The following CNTLN variants were observed in gnomAD, a reference collection of about 807,000 sequenced individuals.
CNTLN encodes centlein, centrosomal protein.
Under a neutral mutation model 180.0 loss-of-function variants are expected in CNTLN, and 212 were observed. The ratio of observed to expected loss-of-function variants is 1.18; its 90% CI spans 1.05 to 1.32. The LOEUF is 1.32. Among genes scored for constraint, CNTLN ranks in the 40% most tolerant of loss-of-function variants. CNTLN has a pLI of 0.00. For synonymous variants in CNTLN, 722 were observed against 563.1 expected (o/e 1.28, Z -3.99); for missense variants, 2,095 against 1,610.9 (o/e 1.30, Z -5.14).
chr9:17,393,948 A>G (rs1282483342), intron 14 of CNTLN, among the ~76,000 whole-genome samples: 2 of 152,178 alleles, frequency 1.3e-5, no homozygotes, highest in Non-Finnish European at 2.9e-5. Flanking sequence ...AATAAATGGG[A>G]AAATTTTAAT....
intron 6 of CNTLN, among the ~76,000 whole-genome samples, chr9:17,274,355 G>C (rs1346178235): frequency 6.6e-6 from 1 of 151,914 alleles, no homozygotes; most frequent in Non-Finnish European, 1.5e-5. Context: ...GTTTTTTAAA[G>C]ATGTTAAAAC....
At chr9:17,240,788 C>T (rs1220977949) in intron 5 of CNTLN, among the ~76,000 whole-genome samples, 1 of 152,056 alleles carries the variant, frequency 6.6e-6, no homozygotes, top group Non-Finnish European at 1.5e-5. Context: ...GGTTTCTTGT[C>T]CCTGTGGAGT....
intron 13 of CNTLN, among the ~76,000 whole-genome samples, chr9:17,370,343 A>G (rs1266087592): frequency 2.0e-5 from 3 of 152,222 alleles, no homozygotes; most frequent in Non-Finnish European, 4.4e-5. Flanking sequence ...TGGAGCTTCA[A>G]TATGCTGGCA....
intron 19 of CNTLN, among the ~76,000 whole-genome samples, chr9:17,459,433 A>C (rs922804467): frequency 6.6e-6 from 1 of 151,876 alleles, no homozygotes; most frequent in African/African-American, 2.4e-5. Context: ...AACACTGACC[A>C]AACTGTATAG....
intron 1 of CNTLN, among the ~76,000 whole-genome samples, chr9:17,138,035 C>A (rs763610147): frequency 2.0e-5 from 3 of 152,134 alleles, no homozygotes; most frequent in Non-Finnish European, 4.4e-5. Context: ...AGGTAAGCTT[C>A]CAAATGTAGC....
chr9:17,268,732 T>G lies in CNTLN; in HGVS notation c.850-5001T>G, dbSNP rs182782936. Among the ~76,000 whole-genome samples, 1,470 of 152,202 alleles carry G rather than the reference T, an allele frequency of 9.7e-3. 17 individuals are homozygous for G. Among genetic ancestry groups the G allele is most frequent in the African/African-American group, 0.034 (1,398 of 41,542 alleles). On this transcript the variant is annotated intron_variant, in intron 5 of 25. Transcript: ENST00000380647. ...GCTGCTTTGTTTACCTAATCAAGCC[T>G]GGGCAATGGCAGGCACTCCTCCCCC...
At chr9:17,411,948 C>G (rs1452938104) in intron 16 of CNTLN, among the ~76,000 whole-genome samples, 2 of 152,170 alleles carry the variant, frequency 1.3e-5, no homozygotes, top group Non-Finnish European at 2.9e-5. Context: ...CCTTTCCCTT[C>G]TGAGCAAGAT....
At position 17,253,451 on chromosome 9, in the gene CNTLN, G is replaced by A. The variant is rs190886401; in HGVS notation, c.849+16863G>A. 2.5e-3 allele frequency among the ~76,000 whole-genome samples: 381 copies of A among 151,418 alleles called. 1 individual carries two copies. The highest frequency in any genetic ancestry group is 3.4e-3 in the Middle Eastern group (1 of 294). ...CTTCAATTTCTTTCATCAGTGTTTTGTTTGTTTGTTTTGTAGAGATCTTAA... is the reference window on the plus strand; with the variant it reads ...CTTCAATTTCTTTCATCAGTGTTTTATTTGTTTGTTTTGTAGAGATCTTAA... On this transcript the variant is annotated intron_variant, in intron 5 of 25. Transcript: ENST00000380647.
At chr9:17,143,987 C>G (rs1818280718) in intron 2 of CNTLN, among the ~76,000 whole-genome samples, 1 of 152,160 alleles carries the variant, frequency 6.6e-6, no homozygotes, top group South Asian at 2.1e-4. Context: ...TGACACTTAG[C>G]ACAGCAATGA....
At chr9:17,375,865 A>C (rs1012567180) in intron 13 of CNTLN, among the ~76,000 whole-genome samples, 1 of 152,190 alleles carries the variant, frequency 6.6e-6, no homozygotes, top group Non-Finnish European at 1.5e-5. Context: ...CAAGATAACT[A>C]TATTTCGTAT....
In CNTLN at chr9:17,416,085, A is replaced by G. The variant is rs1204116428; in HGVS notation, c.3010A>G (p.Thr1004Ala). The change falls in exon 18 of 26, where the codon ACA (threonine) becomes GCA (alanine). Residue 1004 changes from threonine to alanine, a missense_variant. Physicochemically the swap from Thr to Ala is moderately conservative, Grantham distance 58 (BLOSUM62 0). Transcript: ENST00000380647. ...CAGTGTACTTCAGAATGCCAAGAAAACAGCAGAATTGTCTGTTAAAGAATA... is the reference window on the plus strand; with the variant it reads ...CAGTGTACTTCAGAATGCCAAGAAAGCAGCAGAATTGTCTGTTAAAGAATA... ...QNSVLQNAKK[T>A]AELSVKEYKE... 23 of 1,613,584 alleles carry G rather than the reference A, an allele frequency of 1.4e-5. No individual in the cohort carries two copies. The highest frequency in any genetic ancestry group is 2.2e-5 in the East Asian group (1 of 44,794).
At chr9:17,229,648 T>C (rs1824690222) in intron 3 of CNTLN, among the ~76,000 whole-genome samples, 1 of 152,080 alleles carries the variant, frequency 6.6e-6, no homozygotes, top group Admixed American at 6.6e-5. Flanking sequence ...TGAAGGGTAA[T>C]CTGCTTTTCT....
intron 6 of CNTLN, among the ~76,000 whole-genome samples, chr9:17,275,518 T>G (rs933462962): frequency 2.0e-5 from 3 of 152,246 alleles, no homozygotes; most frequent in Non-Finnish European, 4.4e-5. Context: ...TTCCATATTG[T>G]CAATCTTCTT....
intron 8 of CNTLN, among the ~76,000 whole-genome samples, chr9:17,313,200 G>T (rs1214804685): frequency 6.6e-6 from 1 of 151,946 alleles, no homozygotes; most frequent in African/African-American, 2.4e-5. Flanking sequence ...CAGCACATAG[G>T]TTACTGTATA....
chr9:17,203,779 G>A (rs1489204186), intron 2 of CNTLN, among the ~76,000 whole-genome samples: 3 of 152,146 alleles, frequency 2.0e-5, no homozygotes, highest in African/African-American at 7.2e-5. Flanking sequence ...GGATGGTCTT[G>A]ATCTCCGGAC....
chr9:17,216,578 T>G (rs533906025), intron 2 of CNTLN, among the ~76,000 whole-genome samples: 1 of 152,228 alleles, frequency 6.6e-6, no homozygotes. Flanking sequence ...TTTAATTTCA[T>G]AGTAAAGGAG....
intron 2 of CNTLN, among the ~76,000 whole-genome samples, chr9:17,212,845 T>G (rs201386866): frequency 2.0e-5 from 3 of 152,232 alleles, no homozygotes; most frequent in East Asian, 1.9e-4. Context: ...TTTGCATAGA[T>G]GTGTTTATAG....
At chr9:17,209,507 TGGAAGTG>T (rs1210363563) in intron 2 of CNTLN, among the ~76,000 whole-genome samples, 1 of 152,218 alleles carries the variant, frequency 6.6e-6, no homozygotes, top group Non-Finnish European at 1.5e-5. Context: ...TGTCTAATGC[TGGAAGTG>T]GGATGTTGAA....
At chr9:17,206,054 GC>G (rs1355127640) in intron 2 of CNTLN, among the ~76,000 whole-genome samples, 1 of 152,168 alleles carries the variant, frequency 6.6e-6, no homozygotes, top group African/African-American at 2.4e-5. Flanking sequence ...CAACTGGGTA[GC>G]CACCACTGCA....
Sources: gnomAD v4.1 joint callset for allele counts (sites outside exome capture counted in the v4.1 genomes callset) on GRCh38, gnomAD v4.1.1 for gene constraint, MANE v1.5 for transcripts, NCBI Gene and HGNC (gene_info 2026-07-23, HGNC 2026-07-21) for gene names.